Variants in ABCB5 observed in about 807,000 individuals in gnomAD.
The protein encoded by ABCB5 is ATP binding cassette subfamily B member 5.
Under a neutral mutation model 144.2 loss-of-function variants are expected in ABCB5, and 155 were observed. That is an observed-to-expected ratio of 1.08 (90% CI 0.94 to 1.23). The LOEUF is 1.23. ABCB5 is among the 50% of genes most tolerant of loss of function. The pLI is 0.00. For synonymous variants in ABCB5, 610 were observed against 528.6 expected (o/e 1.15, Z -2.11); for missense variants, 1,830 against 1,520.8 (o/e 1.20, Z -3.38).
chr7:20,752,150 T>C (rs1036089191), intron 26 of ABCB5, among the ~76,000 whole-genome samples: 1 of 152,204 alleles, frequency 6.6e-6, no homozygotes, highest in Non-Finnish European at 1.5e-5. Context: ...ACAAGCTACA[T>C]GTGAAATGCT....
intron 12 of ABCB5, 22 bp from the exon 13 acceptor site, chr7:20,651,398 G>T: frequency 6.2e-7 from 1 of 1,613,308 alleles, no homozygotes; most frequent in African/African-American, 1.3e-5. Context: ...ATCACAACAT[G>T]GTTCATTCTT....
rs776801339 is a variant in ABCB5 at position 20,728,394 on chromosome 7, G to C, written c.2806G>C (p.Gly936Arg). The C allele has an allele frequency of 6.2e-7, 1 of 1,614,160 alleles. No individual in the cohort carries two copies. The highest frequency in any genetic ancestry group is 8.5e-7 in the Non-Finnish European group (1 of 1,180,020). The change falls in exon 23 of 28, where the codon GGG becomes CGG. Residue 936 changes from glycine (G) to arginine (R), a missense_variant. By Grantham distance (125) the Gly-to-Arg change is moderately radical. Coordinates refer to ENST00000404938, the MANE Select transcript of ABCB5 (RefSeq NM_001163941.2). ...CTTTATATATTTTGCCTATGCGGCA[G>C]GGTTTCGATTTGGAGCCTATTTAAT... Reference protein sequence around the residue: ...HAFIYFAYAAGFRFGAYLIQA... With the variant: ...HAFIYFAYAARFRFGAYLIQA...
At chr7:20,704,010 T>C (rs1428397467) in intron 19 of ABCB5, among the ~76,000 whole-genome samples, 1 of 151,892 alleles carries the variant, frequency 6.6e-6, no homozygotes, top group Non-Finnish European at 1.5e-5. Flanking sequence ...ATAGACTTTT[T>C]ATCATTAGTT....
At chr7:20,719,766 G>A (rs1781801970) in intron 20 of ABCB5, among the ~76,000 whole-genome samples, 1 of 152,182 alleles carries the variant, frequency 6.6e-6, no homozygotes, top group African/African-American at 2.4e-5. Context: ...ATCTATTAAA[G>A]ACAATGGGAG....
At position 20,723,209 on chromosome 7, in the gene ABCB5, A is replaced by G. The variant is rs760681422; in HGVS notation, c.2615A>G (p.His872Arg). Residue 872 changes from histidine to arginine, a missense_variant, in exon 21 of 28, where the codon CAT becomes CGT. Transcript: ENST00000404938. ...AACAAAGATAAGCAAGAACTTAAGC[A>G]TGCTGGAAAGGTAAAATGAAGACTG... ...FANKDKQELK[H>R]AGKIATEALE... 1 of 1,614,142 alleles carries G rather than the reference A, an allele frequency of 6.2e-7. No homozygotes were observed. The highest frequency in any genetic ancestry group is 1.1e-5 in the South Asian group (1 of 91,088).
Position 20,726,286 on chromosome 7 carries a change from A to C in ABCB5, c.2626-754A>C, listed in dbSNP as rs1184725684. The stretch of plus-strand genomic sequence containing the variant: ...ATGTTACTTTCCTGTAATGTTCCTG[A>C]GTCCTTTTAAGTTGCTATTTTTAAT... On this transcript the variant is annotated intron_variant, in intron 21 of 27. Transcript: ENST00000404938. Among the ~76,000 whole-genome samples the C allele has an allele frequency of 4.0e-5, 6 of 149,786 alleles. No homozygotes were observed. In the East Asian group the frequency reaches 1.0e-3, roughly 25 times the overall value.
In ABCB5 at chr7:20,625,120, A is replaced by G. The variant is rs180963970; in HGVS notation, c.54-1437A>G. ...GCTTCAAAATCCGCATCTAGAGGTG[A>G]GGAAAGGGATTGTAGGGTTTTGCAA... On this transcript the variant is annotated intron_variant, in intron 2 of 27. Transcript: ENST00000404938. 3.0e-3 allele frequency among the ~76,000 whole-genome samples: 460 copies of G among 152,342 alleles called. 11 individuals are homozygous for G. The highest frequency in any genetic ancestry group is 0.028 in the Admixed American group (423 of 15,300).
At chr7:20,694,961 A>G (rs1269333915) in intron 16 of ABCB5, among the ~76,000 whole-genome samples, 1 of 152,044 alleles carries the variant, frequency 6.6e-6, no homozygotes, top group African/African-American at 2.4e-5. Context: ...GACTAAATAA[A>G]TTAAAAGATA....
chr7:20,717,932 C>T (rs1459757387), intron 20 of ABCB5, among the ~76,000 whole-genome samples: 16 of 98,696 alleles, frequency 1.6e-4, no homozygotes, highest in Admixed American at 4.7e-4. Context: ...TACAGAGCCT[C>T]GCTCTGTCGC....
intron 14 of ABCB5, chr7:20,660,467 G>C (rs1055448847): frequency 1.1e-6 from 1 of 911,378 alleles, no homozygotes; most frequent in Non-Finnish European, 1.3e-6. Flanking sequence ...AAGTAGCACA[G>C]TAAACTAGAT....
At chr7:20,712,022 G>T (rs1390133786) in intron 20 of ABCB5, among the ~76,000 whole-genome samples, 1 of 143,796 alleles carries the variant, frequency 7.0e-6, no homozygotes, top group African/African-American at 2.6e-5. Flanking sequence ...GGTGGACCAC[G>T]AGGTCAGGAG....
At chr7:20,680,466 A>G (rs1201459673) in intron 14 of ABCB5, among the ~76,000 whole-genome samples, 4 of 151,860 alleles carry the variant, frequency 2.6e-5, no homozygotes, top group East Asian at 2.0e-4. Context: ...CCAGCTACTC[A>G]GGAGGCTGAG....
chr7:20,640,748 A>G (rs987758169), intron 5 of ABCB5, among the ~76,000 whole-genome samples: 5 of 152,074 alleles, frequency 3.3e-5, no homozygotes, highest in Non-Finnish European at 1.5e-5. Flanking sequence ...TGGGACTTAG[A>G]AAAAAAACTT....
chr7:20,718,587 T>G (rs57607565), intron 20 of ABCB5, among the ~76,000 whole-genome samples: 1 of 152,218 alleles, frequency 6.6e-6, no homozygotes, highest in South Asian at 2.1e-4. Context: ...AACCACAAAG[T>G]TTTTTAGGAA....
rs867507365 is a variant in ABCB5 at position 20,681,952 on chromosome 7, A to G, written c.1869+286A>G. Among the ~76,000 whole-genome samples the G allele has an allele frequency of 3.3e-5, 5 of 152,132 alleles. No homozygotes were observed. The South Asian group carries it at 1.0e-3, about 32-fold the overall frequency. ...CCAGAAAGGGTGGCTCACACCTGCA[A>G]TCCCAGCAATTTGGGAGGTCGAGGC... On this transcript the variant is annotated intron_variant, in intron 15 of 27. Coordinates refer to ENST00000404938, the MANE Select transcript of ABCB5 (RefSeq NM_001163941.2).
chr7:20,755,496 G>T lies in ABCB5; in HGVS notation c.3646G>T (p.Ala1216Ser), dbSNP rs1783061092. 1 of 1,614,036 alleles carries T rather than the reference G, an allele frequency of 6.2e-7. No individual in the cohort carries two copies. The highest frequency in any genetic ancestry group is 1.3e-5 in the African/African-American group (1 of 74,916). The change falls in exon 28 of 28, where the codon GCA (alanine) becomes TCA (serine). Residue 1216 changes from alanine to serine, a missense_variant. Ala to Ser is a moderately conservative substitution (Grantham distance 99). Coordinates refer to ENST00000404938, the MANE Select transcript of ABCB5 (RefSeq NM_001163941.2). ...CCTAGTGGTCACTCACAGGCTCTCT[G>T]CAATTCAGAACGCAGATTTGATAGT... ...TCLVVTHRLS[A>S]IQNADLIVVL... is the part of the protein sequence containing the mutation.
At chr7:20,646,529 G>C (rs1365954014) in intron 9 of ABCB5, among the ~76,000 whole-genome samples, 5 of 152,150 alleles carry the variant, frequency 3.3e-5, no homozygotes, top group Admixed American at 1.3e-4. Flanking sequence ...CTCTGGAAAT[G>C]GTCTGTAGAG....
intron 14 of ABCB5, among the ~76,000 whole-genome samples, chr7:20,678,038 C>A (rs1179059694): frequency 6.6e-6 from 1 of 152,124 alleles, no homozygotes; most frequent in Non-Finnish European, 1.5e-5. Flanking sequence ...AAGTGCAATA[C>A]ATGCACATTA....
At position 20,723,164 on chromosome 7, in the gene ABCB5, C is replaced by T. The variant is rs1781929548; in HGVS notation, c.2570C>T (p.Ala857Val). 1 of 1,614,146 alleles carries T rather than the reference C, an allele frequency of 6.2e-7. No homozygotes were observed. The highest frequency in any genetic ancestry group is 2.2e-5 in the East Asian group (1 of 44,866). Residue 857 changes from alanine to valine, a missense_variant, in exon 21 of 28, where the codon GCA becomes GTA. By Grantham distance (64) the Ala-to-Val change is moderately conservative. Coordinates refer to ENST00000404938, the MANE Select transcript of ABCB5 (RefSeq NM_001163941.2). ...GCCGTGACAGGAATGATTGAAACCG[C>T]AGCAATGACTGGATTTGCCAACAAA... ...VLAVTGMIETAAMTGFANKDK... is the reference protein window; with the variant it reads ...VLAVTGMIETVAMTGFANKDK...
Sources: allele counts gnomAD v4.1 joint callset (sites outside exome capture counted in the v4.1 genomes callset), GRCh38; gene constraint gnomAD v4.1.1; transcripts MANE v1.5; gene names NCBI Gene and HGNC (gene_info 2026-07-23, HGNC 2026-07-21).